SUSD5: variants seen among roughly 807,000 people sequenced by gnomAD.
SUSD5 encodes sushi domain containing 5, also known as sushi domain-containing protein 5.
A neutral mutation model predicts 29.5 loss-of-function variants in SUSD5; 33 were observed. The observed-to-expected ratio is 1.12, with a 90% CI of 0.85 to 1.49. The LOEUF (loss-of-function observed/expected upper bound fraction) is 1.49. Ranked by LOEUF, SUSD5 falls within the 40% of genes most tolerant of loss-of-function variation. The pLI is 0.00. For synonymous variants in SUSD5, 308 were observed against 325.3 expected (o/e 0.95, Z 0.57); for missense variants, 776 against 800.6 (o/e 0.97, Z 0.37).
chr3:33,212,094 T>G (rs1352083627), intron 2 of SUSD5, among the ~76,000 whole-genome samples: 1 of 152,202 alleles, frequency 6.6e-6, no homozygotes. Flanking sequence ...AGGAGGATAT[T>G]GAATGTTCCC....
At chr3:33,189,145 T>C (rs1320792416) in intron 3 of SUSD5, among the ~76,000 whole-genome samples, 3 of 152,186 alleles carry the variant, frequency 2.0e-5, no homozygotes, top group East Asian at 3.8e-4. Context: ...ATCTACATGA[T>C]AGTACTCCTT....
chr3:33,216,629 T>C (rs1205941342), intron 1 of SUSD5, among the ~76,000 whole-genome samples: 1 of 152,242 alleles, frequency 6.6e-6, no homozygotes, highest in Non-Finnish European at 1.5e-5. Flanking sequence ...CTTAGGATTC[T>C]GCCCACGCAC....
At chr3:33,190,076 C>T (rs2031861149) in intron 3 of SUSD5, among the ~76,000 whole-genome samples, 1 of 152,182 alleles carries the variant, frequency 6.6e-6, no homozygotes, top group Non-Finnish European at 1.5e-5. Flanking sequence ...TAACCACAAG[C>T]CAGTCAGTCT....
At chr3:33,156,603 A>C (rs1285480238) in intron 4 of SUSD5, among the ~76,000 whole-genome samples, 3 of 152,156 alleles carry the variant, frequency 2.0e-5, no homozygotes, top group Admixed American at 6.5e-5. Context: ...TGGAAGATAC[A>C]CTTAAATTAT....
chr3:33,188,982 A>G lies in SUSD5; in HGVS notation c.410-13908T>C, dbSNP rs772866212. On this transcript the variant is annotated intron_variant, in intron 3 of 4. Coordinates refer to ENST00000309558, the MANE Select transcript of SUSD5 (RefSeq NM_015551.2). ...TGAAAATTATTCACAACCTCTCCCA[A>G]TGGATACTTCATGCCTTAAGATAGT... Among the ~76,000 whole-genome samples, 8 of 152,320 alleles carry G rather than the reference A, an allele frequency of 5.3e-5. No individual in the cohort carries two copies. The East Asian group carries it at 5.8e-4, about 11-fold the overall frequency.
chr3:33,218,669 GCCTCCCGCACACTCACCAT>G lies in SUSD5; in HGVS notation c.110_112+16del. On this transcript the variant is annotated splice_donor_variant and splice_donor_5th_base_variant and coding_sequence_variant and intron_variant, in exon 1 of 5. Transcript: ENST00000309558. LOFTEE classifies it high-confidence loss of function. ...CCCACGCTCCACCCCCCGCCCCGCC[GCCTCCCGCACACTCACCAT>G]CCGCCCGCACCGAAAGGCGCGGCAG... 1.7e-6 allele frequency: 2 copies of G among 1,148,684 alleles called. No homozygotes were observed. Among genetic ancestry groups the G allele is most frequent in the Non-Finnish European group, 2.2e-6 (2 of 893,082 alleles). 71.2% of individuals were successfully genotyped at this position (1,148,684 alleles called of 1,614,324 possible). A position where few individuals can be genotyped will look rare whatever the true frequency, so the allele number is the denominator to read the frequency against.
intron 4 of SUSD5, 85 bp downstream of exon 4, chr3:33,174,801 G>A: frequency 6.7e-7 from 1 of 1,499,396 alleles, no homozygotes; most frequent in Non-Finnish European, 9.1e-7. Context: ...GTGGAGAAGA[G>A]CCCACCGCAT....
chr3:33,175,351 T>C (rs1476696953), intron 3 of SUSD5, among the ~76,000 whole-genome samples: 3 of 152,208 alleles, frequency 2.0e-5, no homozygotes, highest in Non-Finnish European at 4.4e-5. Flanking sequence ...TTCTAATGTT[T>C]CCTTGAAAGG....
intron 1 of SUSD5, 52 bp from the exon 2 acceptor site, chr3:33,214,157 T>TA: frequency 6.6e-7 from 1 of 1,521,960 alleles, no homozygotes; most frequent in Non-Finnish European, 8.8e-7. Context: ...CATGGGAAGT[T>TA]AGTCTCAGCA....
intron 4 of SUSD5, among the ~76,000 whole-genome samples, chr3:33,174,067 T>C (rs1422593880): frequency 6.6e-6 from 1 of 152,128 alleles, no homozygotes; most frequent in East Asian, 1.9e-4. Context: ...CAGATCAGGT[T>C]TGGGGAACTC....
chr3:33,210,847 T>C (rs2032309826), intron 2 of SUSD5, among the ~76,000 whole-genome samples: 1 of 151,026 alleles, frequency 6.6e-6, no homozygotes, highest in Non-Finnish European at 1.5e-5. Flanking sequence ...ATAGTAAATA[T>C]AACAAGTATA....
At position 33,155,682 on chromosome 3, in the gene SUSD5, A is replaced by G. The variant is rs148709229; in HGVS notation, c.599-1649T>C. On this transcript the variant is annotated intron_variant, in intron 4 of 4. Transcript: ENST00000309558. ...TGGTACATCAGTTATGGTATACTCA[A>G]TGCAAATCTGTACATCAATAAACAT... is the stretch of plus-strand genomic sequence containing the variant. Among the ~76,000 whole-genome samples the G allele has an allele frequency of 2.6e-5, 4 of 152,364 alleles. No homozygotes were observed. In the East Asian group the frequency reaches 7.7e-4, roughly 29 times the overall value.
At chr3:33,190,198 C>T (rs2031863498) in intron 3 of SUSD5, 1 of 154,652 alleles carries the variant, frequency 6.5e-6, no homozygotes, top group Non-Finnish European at 1.4e-5. Flanking sequence ...TAAGACATTT[C>T]TGTTTTGTAA....
At chr3:33,154,430 T>C (rs1328143612) in intron 4 of SUSD5, among the ~76,000 whole-genome samples, 1 of 152,040 alleles carries the variant, frequency 6.6e-6, no homozygotes, top group Non-Finnish European at 1.5e-5. Flanking sequence ...GGATGAGACA[T>C]GAGAATCGCT....
chr3:33,202,860 G>A (rs2032145950), intron 3 of SUSD5, among the ~76,000 whole-genome samples: 1 of 151,986 alleles, frequency 6.6e-6, no homozygotes, highest in Non-Finnish European at 1.5e-5. Context: ...AAACACAGGA[G>A]GAAGCTGCCT....
At chr3:33,175,677 G>A (rs1003871694) in intron 3 of SUSD5, among the ~76,000 whole-genome samples, 16 of 151,738 alleles carry the variant, frequency 1.1e-4, no homozygotes, top group African/African-American at 3.9e-4. Context: ...TGAGTACCCT[G>A]CTTTTAAAAA....
chr3:33,152,837 G>C lies in SUSD5; in HGVS notation c.1795C>G (p.Arg599Gly). ...LAGVGMVWGY[R>G]KCQHKSSVYK... ...ACAGAGCTCTTGTGCTGGCACTTGCGGTAGCCCCACACCATCCCCACACCT... is the reference window on the plus strand; with the variant it reads ...ACAGAGCTCTTGTGCTGGCACTTGCCGTAGCCCCACACCATCCCCACACCT... The change falls in exon 5 of 5, where the codon CGC (arginine) becomes GGC (glycine). Residue 599 changes from arginine (R) to glycine (G), a missense_variant. Physicochemically the swap from Arg to Gly is moderately radical, Grantham distance 125. Transcript: ENST00000309558. The C allele has an allele frequency of 1.9e-6, 3 of 1,613,978 alleles. No homozygotes were observed. The highest frequency in any genetic ancestry group is 2.5e-6 in the Non-Finnish European group (3 of 1,179,888).
In SUSD5 at chr3:33,151,196, A is replaced by C. The variant is rs144178832; in HGVS notation, c.*1546T>G. 1.3e-5 allele frequency: 2 copies of C among 152,298 alleles called. No individual in the cohort carries two copies. Among genetic ancestry groups the C allele is most frequent in the East Asian group, 1.9e-4 (1 of 5,170 alleles). The allele number at this position is 152,298 out of a possible 1,614,324, so 9.4% of individuals were successfully genotyped here. ...AAAATCACCTGGAGGGCTTGTTAAAAACAGAACTGGGCCCTACTCCCAGGG... is the reference window on the plus strand; with the variant it reads ...AAAATCACCTGGAGGGCTTGTTAAACACAGAACTGGGCCCTACTCCCAGGG... On this transcript the variant is annotated 3_prime_UTR_variant, in exon 5 of 5. Transcript: ENST00000309558.
intron 3 of SUSD5, among the ~76,000 whole-genome samples, chr3:33,193,538 A>T (rs1401954977): frequency 6.6e-6 from 1 of 152,184 alleles, no homozygotes; most frequent in Admixed American, 6.5e-5. Flanking sequence ...CAATGCCCAT[A>T]GGTAGCTGCA....
Sources: gnomAD v4.1 joint callset for allele counts (sites outside exome capture counted in the v4.1 genomes callset) on GRCh38, gnomAD v4.1.1 for gene constraint, MANE v1.5 for transcripts, NCBI Gene and HGNC (gene_info 2026-07-23, HGNC 2026-07-21) for gene names.